The following STAB2 variants were observed in gnomAD, a reference collection of about 807,000 sequenced individuals.
The protein encoded by STAB2 is stabilin 2.
STAB2 carries 288 observed loss-of-function variants against 338.1 expected under a neutral mutation model. The ratio of observed to expected loss-of-function variants is 0.85; its 90% CI spans 0.77 to 0.94. STAB2 has a LOEUF of 0.94. Ranked by LOEUF, STAB2 falls within the 40% of genes least tolerant of loss-of-function variation. The probability of loss-of-function intolerance (pLI) is 0.00; values close to 1 mark genes in which losing one functional copy is unlikely to be tolerated. For missense variants in STAB2, 3,141 were observed against 3,210.1 expected (o/e 0.98, Z 0.52); for synonymous variants, 1,202 against 1,193.3 (o/e 1.01, Z -0.15).
chr12:103,762,686 G>A (rs945752194), intron 67 of STAB2, among the ~76,000 whole-genome samples: 2 of 152,182 alleles, frequency 1.3e-5, no homozygotes, highest in Non-Finnish European at 2.9e-5. Flanking sequence ...TTGGCCTGGA[G>A]GCACATTCAC....
chr12:103,653,266 A>G, intron 12 of STAB2, among the ~76,000 whole-genome samples: 1 of 152,188 alleles, frequency 6.6e-6, no homozygotes, highest in Non-Finnish European at 1.5e-5. Context: ...ATATAGGCAT[A>G]GGACCTATAC....
At chr12:103,700,511 T>C (rs1227669867) in intron 34 of STAB2, among the ~76,000 whole-genome samples, 1 of 152,236 alleles carries the variant, frequency 6.6e-6, no homozygotes, top group African/African-American at 2.4e-5. Context: ...ATAATCTAAC[T>C]TCAAATATTT....
intron 18 of STAB2, among the ~76,000 whole-genome samples, chr12:103,664,874 G>T (rs1874938677): frequency 6.6e-6 from 1 of 152,180 alleles, no homozygotes; most frequent in African/African-American, 2.4e-5. Flanking sequence ...TTTTAAGAGA[G>T]GCAGAAACAT....
intron 41 of STAB2, 113 bp from the exon 42 acceptor site, chr12:103,713,530 G>A: frequency 6.7e-7 from 1 of 1,488,670 alleles, no homozygotes; most frequent in Non-Finnish European, 9.2e-7. Context: ...ATTTAATCCA[G>A]TGCCTGCTCA....
At position 103,587,326 on chromosome 12, in the gene STAB2, C is replaced by A; in HGVS notation, c.-151C>A. On this transcript the variant is annotated 5_prime_UTR_variant, in exon 1 of 69. Transcript: ENST00000388887. ...CTTTCTGAAGGCAGGTCTCACCTAT[C>A]TCCTGGTTCGATCTAGGAAAAAGGA... The A allele has an allele frequency of 1.5e-6, 1 of 680,802 alleles. No individual in the cohort carries two copies. Among genetic ancestry groups the A allele is most frequent in the Non-Finnish European group, 2.5e-6 (1 of 405,476 alleles). 42.2% of individuals were successfully genotyped at this position (680,802 alleles called of 1,614,324 possible).
In STAB2 at chr12:103,704,653, T is replaced by C. The variant is rs899840602; in HGVS notation, c.3900+39T>C. ...CTGTTTTGATAAAATAGTTTCCAGA[T>C]CCGAGGAGTCCCAATTAGAAAATGA... On this transcript the variant is annotated intron_variant, in intron 36 of 68. Transcript: ENST00000388887. 1.9e-6 allele frequency: 3 copies of C among 1,569,752 alleles called. No individual in the cohort carries two copies. The African/African-American group carries it at 4.1e-5, about 21-fold the overall frequency.
chr12:103,620,642 C>CAA, intron 4 of STAB2, 89 bp downstream of exon 4: 1 of 1,047,920 alleles, frequency 9.5e-7, no homozygotes, highest in East Asian at 2.6e-5. Context: ...CACACACACA[C>CAA]ACACACACAC....
chr12:103,709,644 G>A (rs764737924), intron 39 of STAB2, among the ~76,000 whole-genome samples: 1 of 152,186 alleles, frequency 6.6e-6, no homozygotes, highest in Non-Finnish European at 1.5e-5. Flanking sequence ...TCAAGGGAAT[G>A]CAGTTGCCTT....
At chr12:103,696,471 C>T (rs545813054) in intron 33 of STAB2, among the ~76,000 whole-genome samples, 72 of 152,202 alleles carry the variant, frequency 4.7e-4, no homozygotes, top group Non-Finnish European at 7.9e-4. Context: ...TACTGAATAT[C>T]GGATAAATTA....
chr12:103,656,489 TG>T (rs1874186103), intron 15 of STAB2, among the ~76,000 whole-genome samples: 1 of 152,196 alleles, frequency 6.6e-6, no homozygotes, highest in African/African-American at 2.4e-5. Flanking sequence ...TTAGTGGTGC[TG>T]GGATGAGGCC....
Position 103,740,666 on chromosome 12 carries a change from A to C in STAB2, c.5791A>C (p.Lys1931Gln). 6.2e-7 allele frequency: 1 copy of C among 1,612,192 alleles called. No homozygotes were observed. The highest frequency in any genetic ancestry group is 8.5e-7 in the Non-Finnish European group (1 of 1,179,332). ...KQKCLYNLPF[K>Q]RNLEGCRERC... Reference sequence around the variant, plus strand: ...GAAGTGTCTCTACAACCTGCCCTTCAAGAGGAACCTGGAAGGCTGCCGGGA... The same window carrying C: ...GAAGTGTCTCTACAACCTGCCCTTCCAGAGGAACCTGGAAGGCTGCCGGGA... Residue 1931 changes from lysine (K) to glutamine (Q), a missense_variant, in exon 55 of 69, where the codon AAG becomes CAG. Lys to Gln is a moderately conservative substitution (Grantham distance 53). Coordinates refer to ENST00000388887, the MANE Select transcript of STAB2 (RefSeq NM_017564.10).
intron 12 of STAB2, 125 bp downstream of exon 12, chr12:103,652,830 A>G (rs1873846331): frequency 3.5e-6 from 4 of 1,155,074 alleles, no homozygotes; most frequent in Admixed American, 3.2e-5. Context: ...CTCATGTATT[A>G]TTTGTCAAAC....
At chr12:103,643,951 G>GGAGA (rs1873125443) in intron 9 of STAB2, among the ~76,000 whole-genome samples, 1 of 78,878 alleles carries the variant, frequency 1.3e-5, no homozygotes, top group Non-Finnish European at 2.8e-5. Context: ...CGTCCGGGAG[G>GGAGA]TGAGGGGCGC....
chr12:103,714,399 C>T (rs149762434), intron 42 of STAB2, among the ~76,000 whole-genome samples: 8 of 152,338 alleles, frequency 5.3e-5, no homozygotes, highest in African/African-American at 1.7e-4. Context: ...CCCACATTCA[C>T]CTATTAACAT....
intron 55 of STAB2, 119 bp downstream of exon 55, chr12:103,740,875 TC>T: frequency 7.3e-7 from 1 of 1,365,626 alleles, no homozygotes; most frequent in Non-Finnish European, 9.7e-7. Flanking sequence ...TAATAATGAT[TC>T]CCAGACCCCA....
chr12:103,708,855 A>G (rs1362681231), intron 39 of STAB2, among the ~76,000 whole-genome samples: 1 of 152,222 alleles, frequency 6.6e-6, no homozygotes, highest in African/African-American at 2.4e-5. Context: ...TTCACAATAT[A>G]TATATAGATA....
intron 30 of STAB2, among the ~76,000 whole-genome samples, chr12:103,691,648 G>A (rs1877946789): frequency 6.6e-6 from 1 of 152,160 alleles, no homozygotes; most frequent in Non-Finnish European, 1.5e-5. Context: ...CATATCCCAG[G>A]CCCTACAGAT....
intron 3 of STAB2, among the ~76,000 whole-genome samples, chr12:103,608,483 G>T (rs899789147): frequency 6.6e-6 from 1 of 152,200 alleles, no homozygotes; most frequent in African/African-American, 2.4e-5. Context: ...CTGCATAAAT[G>T]TCTTCTTTTG....
Position 103,717,754 on chromosome 12 carries a change from T to C in STAB2, c.4612-16T>C. 1 of 1,614,042 alleles carries C rather than the reference T, an allele frequency of 6.2e-7. No homozygotes were observed. The highest frequency in any genetic ancestry group is 8.5e-7 in the Non-Finnish European group (1 of 1,179,932). On this transcript the variant is annotated splice_polypyrimidine_tract_variant and intron_variant, in intron 43 of 68. Transcript: ENST00000388887. ...CCACCTGCAAAATGACCCCATGTGC[T>C]TCTACTCCTGGACAGGCTGCCTGTA...
Sources: allele counts gnomAD v4.1 joint callset (sites outside exome capture counted in the v4.1 genomes callset), GRCh38; gene constraint gnomAD v4.1.1; transcripts MANE v1.5; gene names NCBI Gene and HGNC (gene_info 2026-07-23, HGNC 2026-07-21).